Variants in TUBGCP2 observed in about 807,000 individuals in gnomAD.
TUBGCP2 encodes the protein tubulin gamma complex component 2.
In TUBGCP2, 55 loss-of-function variants were observed where a neutral mutation model predicts 92.2. The ratio of observed to expected loss-of-function variants is 0.60; its 90% CI spans 0.48 to 0.75. The LOEUF is 0.75. Ranked by LOEUF, TUBGCP2 falls within the 30% of genes least tolerant of loss-of-function variation. TUBGCP2 has a pLI of 0.00. For missense variants in TUBGCP2, 1,093 were observed against 1,188.9 expected, an observed-to-expected ratio of 0.92 and a Z score of 1.19; for synonymous variants, 533 against 505.2, an observed-to-expected ratio of 1.06 and a Z score of -0.74.
At position 133,285,641 on chromosome 10, in the gene TUBGCP2, G is replaced by A. The variant is rs1411728815; in HGVS notation, c.1723-13C>T. The A allele has an allele frequency of 2.7e-6, 4 of 1,500,850 alleles. No homozygotes were observed. The highest frequency in any genetic ancestry group is 3.6e-6 in the Non-Finnish European group (4 of 1,125,296). The allele number at this position is 1,500,850 out of a possible 1,614,324, so 93.0% of individuals were successfully genotyped here. A position where few individuals can be genotyped will look rare whatever the true frequency, so the allele number is the denominator to read the frequency against. On this transcript the variant is annotated splice_polypyrimidine_tract_variant and intron_variant, in intron 11 of 17. Coordinates refer to ENST00000252936, the MANE Select transcript of TUBGCP2 (RefSeq NM_006659.4). The surrounding 1 kb of genome is among the most constrained non-coding windows in gnomAD (Gnocchi z 6.8). Reference sequence around the variant, plus strand: ...GCATCAGGTCGATCTTGGAGGGAAGGAAATGAAACAAAGCATCCAGTTTTA... The same window carrying A: ...GCATCAGGTCGATCTTGGAGGGAAGAAAATGAAACAAAGCATCCAGTTTTA...
chr10:133,297,313 GCTT>G (rs760349767), intron 5 of TUBGCP2: 10 of 369,498 alleles, frequency 2.7e-5, no homozygotes, highest in Non-Finnish European at 5.2e-5. Flanking sequence ...CAGGAGAATC[GCTT>G]CAACCTGGGA....
intron 4 of TUBGCP2, 68 bp downstream of exon 4, chr10:133,299,354 TGGGTG>T (rs1412929766): frequency 2.3e-6 from 3 of 1,331,942 alleles, no homozygotes; most frequent in Non-Finnish European, 3.0e-6. Context: ...GCACTGAGTG[TGGGTG>T]CCTGTGGACG....
upstream of TUBGCP2, chr10:133,312,024 C>T: frequency 6.5e-7 from 1 of 1,537,584 alleles, no homozygotes; most frequent in South Asian, 1.2e-5. Flanking sequence ...AACTTAGTTT[C>T]TCTCGCATAC....
At chr10:133,300,136 A>G in intron 2 of TUBGCP2, 23 bp from the exon 3 acceptor site, 1 of 1,605,186 alleles carries the variant, frequency 6.2e-7, no homozygotes, top group Non-Finnish European at 8.5e-7. Flanking sequence ...AACATGAGTG[A>G]TTTAATGACG....
rs763574948 is a variant in TUBGCP2, at chr10:133,300,015, G to A, written c.249C>T (p.Tyr83=). The A allele has an allele frequency of 3.7e-6, 6 of 1,614,116 alleles. 1 individual carries two copies. In the South Asian group the frequency reaches 6.6e-5, roughly 18 times the overall value. Residue 83 remains tyrosine (Y), a synonymous_variant, in exon 3 of 18, where the codon TAC becomes TAT. Transcript: ENST00000252936. Reference sequence around the variant, plus strand: ...TGTCTTCCGTGAGCTTTGACAACAGGTACACCAGCGGGTCAAGGTTCCTTG... The same window carrying A: ...TGTCTTCCGTGAGCTTTGACAACAGATACACCAGCGGGTCAAGGTTCCTTG... ...KNTRNLDPLV[Y]LLSKLTEDKE...
intron 6 of TUBGCP2, 60 bp from the exon 7 acceptor site, chr10:133,293,298 G>A (rs546369352): frequency 2.1e-4 from 330 of 1,562,778 alleles, no homozygotes; most frequent in African/African-American, 4.5e-4. Context: ...TACAATGTCC[G>A]ATATTCTGAG....
rs765878984 is a variant in TUBGCP2 at position 133,283,539 on chromosome 10, C to T, written c.2146-318G>A. Among the ~76,000 whole-genome samples the T allele has an allele frequency of 5.3e-5, 8 of 152,270 alleles. No homozygotes were observed. The East Asian group carries it at 5.8e-4, about 11-fold the overall frequency. On this transcript the variant is annotated intron_variant, in intron 14 of 17. Coordinates refer to ENST00000252936, the MANE Select transcript of TUBGCP2 (RefSeq NM_006659.4). ...GGGAGAGACAACCTCGGGGCAAAGA[C>T]GGCTCAGAGTCCCCCTAGGACGGCA...
Position 133,285,351 on chromosome 10 carries a change from C to T in TUBGCP2, c.1895+105G>A, listed in dbSNP as rs771898300. On this transcript the variant is annotated intron_variant, in intron 12 of 17. Transcript: ENST00000252936. This position sits in a 1 kb window ranked among gnomAD's most constrained non-coding sequence, Gnocchi z 6.8. ...TCGGACACTGAAGGCCGGGGAGAGC[C>T]GCCTTGGGTCCTCTGTGGGACGAGG... is the stretch of plus-strand genomic sequence containing the variant. 8.8e-6 allele frequency: 14 copies of T among 1,589,124 alleles called. No homozygotes were observed. Among genetic ancestry groups the T allele is most frequent in the Non-Finnish European group, 1.1e-5 (13 of 1,169,146 alleles).
chr10:133,289,731 GGC>G, intron 9 of TUBGCP2, 91 bp downstream of exon 9: 1 of 1,396,558 alleles, frequency 7.2e-7, no homozygotes, highest in Non-Finnish European at 9.6e-7. Context: ...CACAGGGTGA[GGC>G]ACAGGCTCCC....
At position 133,290,129 on chromosome 10, in the gene TUBGCP2, ACTGTGGG is replaced by A. The variant is rs544426126; in HGVS notation, c.1215-167_1215-161del. The A allele has an allele frequency of 3.8e-3, 4,055 of 1,063,934 alleles. 20 individuals carry two copies. The highest frequency in any genetic ancestry group is 3.6e-3 in the Non-Finnish European group (2,708 of 752,258). 65.9% of individuals were successfully genotyped at this position (1,063,934 alleles called of 1,614,324 possible). ...AGCCTAATCTACCAGTTACTTCTCA[ACTGTGGG>A]CTAAAACGAACCTAGGGGCCGGGCA... On this transcript the variant is annotated intron_variant, in intron 8 of 17. Transcript: ENST00000252936.
intron 13 of TUBGCP2, among the ~76,000 whole-genome samples, chr10:133,284,590 G>C (rs2136111023): frequency 6.6e-6 from 1 of 152,194 alleles, no homozygotes; most frequent in South Asian, 2.1e-4. Context: ...CGAACTTGTG[G>C]GCTCAAACAA....
rs746177889 is a variant in TUBGCP2, at chr10:133,293,057, C to A, written c.1006G>T (p.Asp336Tyr). 2 of 1,613,366 alleles carry A rather than the reference C, an allele frequency of 1.2e-6. No homozygotes were observed. The highest frequency in any genetic ancestry group is 1.7e-6 in the Non-Finnish European group (2 of 1,179,986). ...CACGCACCGAGGGAGGCCAGGATGTCCATGGTGCGCATGGCTGGCTGGATG... is the reference window on the plus strand; with the variant it reads ...CACGCACCGAGGGAGGCCAGGATGTACATGGTGCGCATGGCTGGCTGGATG... ...FYIQPAMRTM[D>Y]ILASLATSVD... The change falls in exon 7 of 18, where the codon GAC becomes TAC. Residue 336 changes from aspartate (D) to tyrosine (Y), a missense_variant. Coordinates refer to ENST00000252936, the MANE Select transcript of TUBGCP2 (RefSeq NM_006659.4).
chr10:133,311,690 A>C, upstream of TUBGCP2: 1 of 1,597,010 alleles, frequency 6.3e-7, no homozygotes, highest in Non-Finnish European at 8.6e-7. Context: ...CGTGCAGGGC[A>C]GTTACTCACT....
At chr10:133,291,320 G>A (rs1261503919) in intron 8 of TUBGCP2, among the ~76,000 whole-genome samples, 1 of 45,596 alleles carries the variant, frequency 2.2e-5, no homozygotes, top group Non-Finnish European at 4.7e-5. Context: ...GTACGGGAGA[G>A]GGCAGCATGC....
At chr10:133,295,015 C>T (rs886782106) in intron 5 of TUBGCP2, among the ~76,000 whole-genome samples, 5 of 152,202 alleles carry the variant, frequency 3.3e-5, no homozygotes, top group African/African-American at 1.2e-4. Flanking sequence ...CACTTACTTT[C>T]CACCATGTTG....
rs746559470 is a variant in TUBGCP2, at chr10:133,289,828, G to C, written c.1356C>G (p.Ser452Arg). The change falls in exon 9 of 18, where the codon AGC (serine) becomes AGG (arginine). Residue 452 changes from serine to arginine, a missense_variant. Coordinates refer to ENST00000252936, the MANE Select transcript of TUBGCP2 (RefSeq NM_006659.4). ...FLQKMADKIL[S>R]TGKYLNVVRE... is the part of the protein sequence containing the mutation. ...TCCCCGCCCGCTGCGCCGCACCTGTGCTGAGGATCTTGTCCGCCATTTTCT... is the reference window on the plus strand; with the variant it reads ...TCCCCGCCCGCTGCGCCGCACCTGTCCTGAGGATCTTGTCCGCCATTTTCT... 1 of 402,748 alleles carries C rather than the reference G, an allele frequency of 2.5e-6. No homozygotes were observed. The highest frequency in any genetic ancestry group is 3.5e-6 in the Non-Finnish European group (1 of 287,378). The allele number at this position is 402,748 out of a possible 1,614,324, so 24.9% of individuals were successfully genotyped here.
chr10:133,309,852 C>T (rs2136151597), upstream of TUBGCP2: 6 of 1,613,798 alleles, frequency 3.7e-6, no homozygotes, highest in South Asian at 2.2e-5. Context: ...GCACCACTAC[C>T]ACACGCTGCA....
At chr10:133,308,909 T>C (rs1014665469), upstream of TUBGCP2, 37 of 1,209,038 alleles carry the variant, frequency 3.1e-5, no homozygotes, top group African/African-American at 4.6e-4. Context: ...TCGCGGACGG[T>C]GGCCGACAGG....
rs757664740 is a variant in TUBGCP2, at chr10:133,293,047, G to C, written c.1016C>G (p.Ala339Gly). The C allele has an allele frequency of 1.2e-6, 2 of 1,612,896 alleles. No homozygotes were observed. The highest frequency in any genetic ancestry group is 1.7e-6 in the Non-Finnish European group (2 of 1,179,956). Residue 339 changes from alanine (A) to glycine (G), a missense_variant, in exon 7 of 18, where the codon GCC becomes GGC. Physicochemically the swap from Ala to Gly is moderately conservative, Grantham distance 60. Coordinates refer to ENST00000252936, the MANE Select transcript of TUBGCP2 (RefSeq NM_006659.4). ...QPAMRTMDIL[A>G]SLATSVDKGE... ...CCCGGGCGGGCACGCACCGAGGGAG[G>C]CCAGGATGTCCATGGTGCGCATGGC...
Sources: allele counts gnomAD v4.1 joint callset (sites outside exome capture counted in the v4.1 genomes callset), GRCh38; gene constraint gnomAD v4.1.1; non-coding constraint Gnocchi (gnomAD v3.1); transcripts MANE v1.5; gene names NCBI Gene and HGNC (gene_info 2026-07-23, HGNC 2026-07-21).